The following SPRY3 variants were observed in gnomAD, a reference collection of about 807,000 sequenced individuals.
SPRY3 encodes protein sprouty homolog 3.
In SPRY3, 15 loss-of-function variants were observed where a neutral mutation model predicts 20.2. The observed-to-expected ratio is 0.74, with a 90% CI of 0.50 to 1.14. The LOEUF is 1.14. SPRY3 is among the 50% of genes most tolerant of loss of function. The pLI, the probability that SPRY3 is intolerant of heterozygous loss-of-function variation, is 0.00. For missense variants in SPRY3, 364 were observed against 363.9 expected (o/e 1.00, Z 0.00); for synonymous variants, 143 against 136.5 (o/e 1.05, Z -0.33).
chrX:155,741,452 TC>T (rs1364398573), intron 2 of SPRY3, among the ~76,000 whole-genome samples: 2 of 151,874 alleles, frequency 1.3e-5, no homozygotes, highest in African/African-American at 4.8e-5. Flanking sequence ...CAGAAGAAAT[TC>T]CCCAACCTAG....
rs201507048 is a variant in SPRY3, at chrX:155,759,787, A to AAC, written c.-281-8167_-281-8166dup. Among the ~76,000 whole-genome samples the AAC allele has an allele frequency of 4.3e-3, 655 of 152,280 alleles. 7 individuals are homozygous for AAC. Among genetic ancestry groups the AAC allele is most frequent in the African/African-American group, 0.015 (613 of 41,558 alleles). On this transcript the variant is annotated intron_variant, in intron 2 of 3. Transcript: ENST00000675360. ...TACTAATTCCTTTATTCCTCCATTC[A>AAC]ACACACACAGAGGACTTCTGTCCCA...
intron 2 of SPRY3, among the ~76,000 whole-genome samples, chrX:155,740,888 A>G (rs1056077218): frequency 1.3e-5 from 2 of 152,156 alleles, no homozygotes; most frequent in Non-Finnish European, 2.9e-5. Flanking sequence ...TCAGGTGGGC[A>G]TCACGGTCCT....
At chrX:155,778,603 T>C (rs1603014839), downstream of SPRY3, 1 of 167,228 alleles carries the variant, frequency 6.0e-6, no homozygotes, top group African/African-American at 2.4e-5. Flanking sequence ...ACATTCAACC[T>C]TATTGATTAT....
chrX:155,781,691 G>T (rs2091464172), downstream of SPRY3: 1 of 167,016 alleles, frequency 6.0e-6, no homozygotes, highest in Non-Finnish European at 1.5e-5. Context: ...CATTAAAGCA[G>T]AAGCATTTTT....
chrX:155,725,756 TTCCAAAAAAGCAGC>T (rs1252236630), intron 2 of SPRY3, among the ~76,000 whole-genome samples: 3 of 152,142 alleles, frequency 2.0e-5, no homozygotes, highest in Non-Finnish European at 4.4e-5. Flanking sequence ...TTGTTGATCT[TTCCAAAAAAGCAGC>T]TCCTGGATTC....
At chrX:155,679,742 CT>C (rs2068068245) in intron 2 of SPRY3, among the ~76,000 whole-genome samples, 1 of 111,668 alleles carries the variant, frequency 9.0e-6, no homozygotes, top group African/African-American at 3.3e-5. Flanking sequence ...CTGTATTAGC[CT>C]TTATAAATGA....
rs746578781 is a variant in SPRY3 at position 155,774,019 on chromosome X, A to T, written c.148A>T (p.Lys50Ter). The T allele has an allele frequency of 6.2e-7, 1 of 1,613,924 alleles. No homozygotes were observed. Among genetic ancestry groups the T allele is most frequent in the Non-Finnish European group, 8.5e-7 (1 of 1,179,862 alleles). The change falls in exon 4 of 4, where the codon AAG becomes TAG. Residue 50 changes from lysine (K) to a stop codon, truncating the protein, a stop_gained. Transcript: ENST00000675360. LOFTEE classifies it high-confidence loss of function. ...CCCTTCCCTTATTGTGCAAACCCAC[A>T]AGTCTGATTGGTCTCTGGCTACCAT...
chrX:155,710,173 A>G (rs1383990889), intron 2 of SPRY3, among the ~76,000 whole-genome samples: 1 of 151,434 alleles, frequency 6.6e-6, no homozygotes, highest in Non-Finnish European at 1.5e-5. Context: ...TAAATTTTAG[A>G]ATTGCTTTTT....
intron 1 of SPRY3, among the ~76,000 whole-genome samples, chrX:155,630,728 C>G (rs781954376): frequency 9.0e-6 from 1 of 110,739 alleles, no homozygotes; most frequent in East Asian, 2.8e-4. Context: ...TGATTGGAGA[C>G]TTTTCACCTT....
At chrX:155,623,688 G>A (rs2067878576) in intron 1 of SPRY3, among the ~76,000 whole-genome samples, 1 of 111,833 alleles carries the variant, frequency 8.9e-6, no homozygotes. Flanking sequence ...TTGCTTACTC[G>A]TGGGTCCAGA....
chrX:155,718,559 G>T (rs754690015), intron 2 of SPRY3, among the ~76,000 whole-genome samples: 1 of 151,998 alleles, frequency 6.6e-6, no homozygotes, highest in Non-Finnish European at 1.5e-5. Flanking sequence ...GAGACAAAAG[G>T]GTGTTTGAAC....
rs2091235230 is a variant in SPRY3 at position 155,747,723 on chromosome X, A to G, written c.-281-20239A>G. Among the ~76,000 whole-genome samples the G allele has an allele frequency of 3.3e-5, 5 of 152,026 alleles. No homozygotes were observed. The South Asian group carries it at 1.0e-3, about 32-fold the overall frequency. On this transcript the variant is annotated intron_variant, in intron 2 of 3. Coordinates refer to ENST00000675360, the Ensembl canonical transcript of SPRY3. ...GAAGGCAGCCAGGTCCTTGGCTTAA[A>G]GGCCAACTCTGAGGAAGACAAAGGT...
exon 4 of SPRY3, chrX:155,774,000 C>G (rs755529775): frequency 6.2e-7 from 1 of 1,614,006 alleles, no homozygotes; most frequent in Non-Finnish European, 8.5e-7. Flanking sequence ...CCAGCCCTTC[C>G]CTTATTGTGC....
At chrX:155,780,307 A>C (rs930862901), downstream of SPRY3, 1 of 167,028 alleles carries the variant, frequency 6.0e-6, no homozygotes, top group Non-Finnish European at 1.5e-5. Flanking sequence ...ACTGCTGAAC[A>C]CAGAAGTGGT....
At chrX:155,733,342 GAT>G (rs1003846704) in intron 2 of SPRY3, among the ~76,000 whole-genome samples, 3 of 143,332 alleles carry the variant, frequency 2.1e-5, no homozygotes, top group African/African-American at 5.5e-5. Flanking sequence ...TATATATGCT[GAT>G]ATATATATAC....
At chrX:155,722,293 C>T (rs895064488) in intron 2 of SPRY3, among the ~76,000 whole-genome samples, 12 of 152,016 alleles carry the variant, frequency 7.9e-5, no homozygotes, top group Admixed American at 5.2e-4. Flanking sequence ...GAGGTTGAAG[C>T]GGCGGATCAC....
chrX:155,724,763 A>G (rs1213015106), intron 2 of SPRY3, among the ~76,000 whole-genome samples: 1 of 152,176 alleles, frequency 6.6e-6, no homozygotes, highest in Non-Finnish European at 1.5e-5. Flanking sequence ...GTCATCTGCA[A>G]ACAGGGACAA....
At chrX:155,658,558 C>T (rs1313344792) in intron 2 of SPRY3, among the ~76,000 whole-genome samples, 3 of 111,918 alleles carry the variant, frequency 2.7e-5, no homozygotes, top group African/African-American at 9.7e-5. Flanking sequence ...TTACTGAAGT[C>T]ATCTTTAAAT....
At chrX:155,775,492 C>T (rs1378689727) in exon 4 of SPRY3, 3 of 167,068 alleles carry the variant, frequency 1.8e-5, no homozygotes, top group African/African-American at 4.8e-5. Context: ...ATACTATTTA[C>T]TAATTTTTAT....
Sources: gnomAD v4.1 joint callset for allele counts (sites outside exome capture counted in the v4.1 genomes callset) on GRCh38, gnomAD v4.1.1 for gene constraint, MANE v1.5 for transcripts, NCBI Gene and HGNC (gene_info 2026-07-23, HGNC 2026-07-21) for gene names.